Variants in FSTL5 observed in about 807,000 individuals in gnomAD.
FSTL5 encodes follistatin like 5, also known as follistatin-related protein 5.
Under a neutral mutation model 89.1 loss-of-function variants are expected in FSTL5, and 62 were observed. The observed-to-expected ratio is 0.70, with a 90% CI of 0.57 to 0.86. FSTL5 has a LOEUF of 0.86. Among genes scored for constraint, FSTL5 ranks in the 40% least tolerant of loss-of-function variants. FSTL5 has a pLI of 0.00. For missense variants in FSTL5, 1,057 were observed against 1,001.6 expected (o/e 1.06, Z -0.75); for synonymous variants, 383 against 346.2 (o/e 1.11, Z -1.18).
chr4:161,786,739 C>T (rs767619634), intron 4 of FSTL5, among the ~76,000 whole-genome samples: 7 of 152,160 alleles, frequency 4.6e-5, no homozygotes, highest in Non-Finnish European at 7.4e-5. Flanking sequence ...TGATTCTTTG[C>T]AATATTTCCC....
intron 4 of FSTL5, among the ~76,000 whole-genome samples, chr4:161,878,255 G>A (rs776483027): frequency 2.6e-4 from 40 of 152,082 alleles, no homozygotes; most frequent in African/African-American, 6.0e-4. Context: ...TTGTACTTCC[G>A]TAACCACGAA....
intron 14 of FSTL5, among the ~76,000 whole-genome samples, chr4:161,456,948 G>A (rs574971479): frequency 2.0e-5 from 3 of 152,180 alleles, no homozygotes; most frequent in African/African-American, 7.2e-5. Flanking sequence ...TCTCCAGACA[G>A]AGGATAGGCT....
chr4:161,890,369 A>T (rs2110749493), intron 4 of FSTL5, among the ~76,000 whole-genome samples: 1 of 152,266 alleles, frequency 6.6e-6, no homozygotes, highest in South Asian at 2.1e-4. Context: ...TCTATTAATT[A>T]TAGTGTAAAA....
chr4:161,703,751 C>A (rs1270913097), intron 6 of FSTL5, among the ~76,000 whole-genome samples: 1 of 152,028 alleles, frequency 6.6e-6, no homozygotes, highest in Non-Finnish European at 1.5e-5. Flanking sequence ...ATAGAATAGA[C>A]AGTCATAAAA....
chr4:161,515,106 C>T (rs947214707), intron 10 of FSTL5, among the ~76,000 whole-genome samples: 1 of 151,964 alleles, frequency 6.6e-6, no homozygotes, highest in African/African-American at 2.4e-5. Context: ...CTGTTTAAAA[C>T]ATATTCCATT....
chr4:161,592,688 G>A (rs1358566462), intron 7 of FSTL5, among the ~76,000 whole-genome samples: 1 of 152,098 alleles, frequency 6.6e-6, no homozygotes, highest in African/African-American at 2.4e-5. Flanking sequence ...GGGCATTTGG[G>A]TTGGTTCCAA....
intron 8 of FSTL5, among the ~76,000 whole-genome samples, chr4:161,579,274 T>G (rs751781837): frequency 2.0e-5 from 3 of 152,140 alleles, no homozygotes; most frequent in Non-Finnish European, 2.9e-5. Context: ...GACAATATGT[T>G]AAGTTTCATA....
intron 5 of FSTL5, among the ~76,000 whole-genome samples, chr4:161,765,453 T>C (rs544514763): frequency 6.6e-6 from 1 of 152,340 alleles, no homozygotes; most frequent in East Asian, 1.9e-4. Flanking sequence ...TTACAAATAC[T>C]TATAATTGTG....
chr4:162,112,996 C>T (rs752182483), intron 1 of FSTL5, among the ~76,000 whole-genome samples: 10 of 152,084 alleles, frequency 6.6e-5, no homozygotes, highest in Non-Finnish European at 1.5e-4. Flanking sequence ...CAGCCTATTG[C>T]TTTATTTTGC....
In FSTL5 at chr4:161,992,904, GTATATATATA is replaced by G. The variant is rs755647924; in HGVS notation, c.160+40711_160+40720del. Among the ~76,000 whole-genome samples the G allele has an allele frequency of 1.8e-3, 111 of 62,288 alleles. 3 individuals are homozygous for G. Among genetic ancestry groups the G allele is most frequent in the Middle Eastern group, 7.8e-3 (1 of 128 alleles). The allele number at this position is 62,288 out of a possible 152,430, so 40.9% of individuals were successfully genotyped here. A position where few individuals can be genotyped will look rare whatever the true frequency, so the allele number is the denominator to read the frequency against. On this transcript the variant is annotated intron_variant, in intron 3 of 15. Transcript: ENST00000306100. Reference sequence around the variant, plus strand: ...TATATATATATATATATATGTGTGTGTATATATATATATATATATATGTGTGTATATATAT... The same window carrying G: ...TATATATATATATATATATGTGTGTGTATATATATATGTGTGTATATATAT...
chr4:162,039,560 A>C (rs1737869352), intron 2 of FSTL5, among the ~76,000 whole-genome samples: 1 of 151,960 alleles, frequency 6.6e-6, no homozygotes, highest in Non-Finnish European at 1.5e-5. Flanking sequence ...TAGGTGGCAT[A>C]AGTTGAGAAA....
intron 15 of FSTL5, among the ~76,000 whole-genome samples, chr4:161,408,693 C>A (rs1731478881): frequency 6.6e-6 from 1 of 152,086 alleles, no homozygotes; most frequent in Admixed American, 6.5e-5. Context: ...TAAAATAACT[C>A]AAGAGCTAAA....
chr4:161,692,515 G>A (rs967127800), intron 6 of FSTL5, among the ~76,000 whole-genome samples: 36 of 152,108 alleles, frequency 2.4e-4, no homozygotes, highest in African/African-American at 7.7e-4. Flanking sequence ...TTTTACAAAA[G>A]TAAGTTAAAA....
At chr4:161,924,365 A>C (rs1231834425) in intron 3 of FSTL5, among the ~76,000 whole-genome samples, 1 of 150,732 alleles carries the variant, frequency 6.6e-6, no homozygotes, top group African/African-American at 2.4e-5. Flanking sequence ...TAAAATATAT[A>C]TTTATATTTA....
intron 6 of FSTL5, among the ~76,000 whole-genome samples, chr4:161,709,119 T>C (rs1452996365): frequency 6.6e-6 from 1 of 152,180 alleles, no homozygotes; most frequent in Non-Finnish European, 1.5e-5. Context: ...AGTAGACTTA[T>C]GTTAGTGGTG....
Position 161,759,334 on chromosome 4 carries a change from G to A in FSTL5, c.727+77C>T, listed in dbSNP as rs1740695641. ...TTAAGAAACAGCTTGTACTATGAGA[G>A]CAAGCAAATAGACCATATTGTGTAA... is the stretch of plus-strand genomic sequence containing the variant. On this transcript the variant is annotated intron_variant, in intron 6 of 15. Coordinates refer to ENST00000306100, the MANE Select transcript of FSTL5 (RefSeq NM_020116.5). The A allele has an allele frequency of 3.0e-6, 4 of 1,325,454 alleles. No individual in the cohort carries two copies. The African/African-American group carries it at 4.6e-5, about 15-fold the overall frequency. 82.1% of individuals were successfully genotyped at this position (1,325,454 alleles called of 1,614,324 possible). A position where few individuals can be genotyped will look rare whatever the true frequency, so the allele number is the denominator to read the frequency against.
chr4:161,434,492 T>G (rs1332370740), intron 15 of FSTL5, among the ~76,000 whole-genome samples: 1 of 151,892 alleles, frequency 6.6e-6, no homozygotes, highest in Non-Finnish European at 1.5e-5. Flanking sequence ...GGAGTTGAGT[T>G]TGGACTAGGC....
intron 7 of FSTL5, among the ~76,000 whole-genome samples, chr4:161,613,825 C>T (rs1734742379): frequency 6.6e-6 from 1 of 152,040 alleles, no homozygotes; most frequent in Non-Finnish European, 1.5e-5. Context: ...AAAAAAGTAC[C>T]TAAATCTAAA....
chr4:161,692,065 C>T (rs984161742), intron 6 of FSTL5, among the ~76,000 whole-genome samples: 12 of 151,526 alleles, frequency 7.9e-5, no homozygotes, highest in East Asian at 3.9e-4. Flanking sequence ...TCCTTTTGTA[C>T]GTTTTTTTTT....
Sources: gnomAD v4.1 joint callset for allele counts (sites outside exome capture counted in the v4.1 genomes callset) on GRCh38, gnomAD v4.1.1 for gene constraint, MANE v1.5 for transcripts, NCBI Gene and HGNC (gene_info 2026-07-23, HGNC 2026-07-21) for gene names.